The following ATP8A1 variants were observed in gnomAD, a reference collection of about 807,000 sequenced individuals.
ATP8A1 encodes phospholipid-transporting ATPase IA.
ATP8A1 carries 90 observed loss-of-function variants against 177.7 expected under a neutral mutation model. The ratio of observed to expected loss-of-function variants is 0.51; its 90% CI spans 0.43 to 0.60. The LOEUF (loss-of-function observed/expected upper bound fraction) is 0.60. Ranked by LOEUF, ATP8A1 falls within the 20% of genes least tolerant of loss-of-function variation. The probability of loss-of-function intolerance (pLI) is 0.00; values close to 1 mark genes in which losing one functional copy is unlikely to be tolerated. For synonymous variants in ATP8A1, 493 were observed against 485.9 expected (o/e 1.01, Z -0.19); for missense variants, 1,072 against 1,392.8 (o/e 0.77, Z 3.67).
chr4:42,518,137 T>G (rs1725745996), intron 22 of ATP8A1, among the ~76,000 whole-genome samples: 1 of 152,226 alleles, frequency 6.6e-6, no homozygotes, highest in Non-Finnish European at 1.5e-5. Context: ...AATTACCAGT[T>G]TGAACAAACA....
intron 24 of ATP8A1, among the ~76,000 whole-genome samples, chr4:42,501,366 A>G (rs1219144087): frequency 6.6e-6 from 1 of 152,214 alleles, no homozygotes; most frequent in Non-Finnish European, 1.5e-5. Context: ...CTTACTTTGT[A>G]GGCAGCAGAA....
At chr4:42,561,760 C>A (rs1730858849) in intron 15 of ATP8A1, 1 of 152,224 alleles carries the variant, frequency 6.6e-6, no homozygotes, top group Non-Finnish European at 1.5e-5. Context: ...CTCTGTGGCT[C>A]TTCCTCCTCT....
At chr4:42,476,182 T>C (rs540906835) in intron 25 of ATP8A1, among the ~76,000 whole-genome samples, 8 of 152,282 alleles carry the variant, frequency 5.3e-5, no homozygotes, top group Admixed American at 2.0e-4. Context: ...GAAGAGTGGA[T>C]TGTTTAGTAA....
chr4:42,439,488 GC>G (rs1406096376), intron 33 of ATP8A1, among the ~76,000 whole-genome samples: 4 of 152,208 alleles, frequency 2.6e-5, no homozygotes, highest in Admixed American at 2.6e-4. Flanking sequence ...ACGGAAGCAA[GC>G]AAAAAATGTT....
At chr4:42,473,954 C>T (rs1031116939) in intron 25 of ATP8A1, among the ~76,000 whole-genome samples, 1 of 152,016 alleles carries the variant, frequency 6.6e-6, no homozygotes, top group East Asian at 1.9e-4. Flanking sequence ...ATGCACAGCC[C>T]AGAGCTTGTT....
chr4:42,527,751 C>T (rs557932422), intron 20 of ATP8A1, among the ~76,000 whole-genome samples: 9 of 147,592 alleles, frequency 6.1e-5, no homozygotes, highest in South Asian at 2.1e-4. Context: ...ACTTCTAGGT[C>T]GAATGGATAA....
intron 1 of ATP8A1, among the ~76,000 whole-genome samples, chr4:42,645,901 T>C (rs954836777): frequency 5.9e-5 from 9 of 152,066 alleles, no homozygotes; most frequent in African/African-American, 2.2e-4. Flanking sequence ...TCTCATTTCT[T>C]TGGTCAGAGA....
At chr4:42,517,629 C>G (rs1725696365) in intron 22 of ATP8A1, among the ~76,000 whole-genome samples, 1 of 152,176 alleles carries the variant, frequency 6.6e-6, no homozygotes, top group Non-Finnish European at 1.5e-5. Flanking sequence ...GTTAGGCCTT[C>G]CTACTAATCA....
Position 42,488,435 on chromosome 4 carries a change from A to AG in ATP8A1, c.2152-2768dup, listed in dbSNP as rs1334544974. On this transcript the variant is annotated intron_variant, in intron 24 of 36. Coordinates refer to ENST00000381668, the MANE Select transcript of ATP8A1 (RefSeq NM_006095.2). The stretch of plus-strand genomic sequence containing the variant: ...AACAAACCAAACTTCAGACAGTACC[A>AG]GGCGCAGCAAGTTAGAAATGGAATG... Among the ~76,000 whole-genome samples, 4 of 151,722 alleles carry AG rather than the reference A, an allele frequency of 2.6e-5. No individual in the cohort carries two copies. The South Asian group carries it at 6.2e-4, about 24-fold the overall frequency.
chr4:42,538,162 T>C (rs1728031028), intron 20 of ATP8A1, among the ~76,000 whole-genome samples: 1 of 151,874 alleles, frequency 6.6e-6, no homozygotes, highest in African/African-American at 2.4e-5. Flanking sequence ...AAACATAAAG[T>C]GGGGAAAGGG....
At chr4:42,450,543 C>G (rs1275938768) in intron 30 of ATP8A1, among the ~76,000 whole-genome samples, 1 of 152,230 alleles carries the variant, frequency 6.6e-6, no homozygotes, top group Non-Finnish European at 1.5e-5. Flanking sequence ...TCCTGGCCTC[C>G]AGGGTCAATA....
intron 5 of ATP8A1, among the ~76,000 whole-genome samples, chr4:42,609,745 C>T (rs530376947): frequency 6.6e-6 from 1 of 152,080 alleles, no homozygotes; most frequent in South Asian, 2.1e-4. Flanking sequence ...CACAACCTGT[C>T]CCCCTCCTTA....
chr4:42,609,295 G>A (rs1560514949), intron 5 of ATP8A1, among the ~76,000 whole-genome samples: 1 of 152,118 alleles, frequency 6.6e-6, no homozygotes, highest in South Asian at 2.1e-4. Flanking sequence ...TTTAACAAAT[G>A]CTCCAGGGGA....
chr4:42,636,189 G>T (rs1739375610), intron 1 of ATP8A1, among the ~76,000 whole-genome samples: 1 of 120,662 alleles, frequency 8.3e-6, no homozygotes, highest in Non-Finnish European at 1.9e-5. Flanking sequence ...TCTTAAGCTG[G>T]ATCAAAACAA....
intron 7 of ATP8A1, among the ~76,000 whole-genome samples, chr4:42,589,764 T>C (rs1733970784): frequency 6.6e-6 from 1 of 151,966 alleles, no homozygotes; most frequent in Admixed American, 6.5e-5. Flanking sequence ...AAAACACACC[T>C]GATAATATAG....
At chr4:42,477,912 G>A (rs1389805565) in intron 25 of ATP8A1, among the ~76,000 whole-genome samples, 4 of 152,022 alleles carry the variant, frequency 2.6e-5, no homozygotes, top group Admixed American at 6.5e-5. Flanking sequence ...GAGCCTTGGA[G>A]GTCGAAGCTT....
Position 42,638,629 on chromosome 4 carries a change from A to G in ATP8A1, c.50-11520T>C, listed in dbSNP as rs114798385. Among the ~76,000 whole-genome samples, 376 of 152,366 alleles carry G rather than the reference A, an allele frequency of 2.5e-3. 2 individuals are homozygous for G. The highest frequency in any genetic ancestry group is 8.2e-3 in the African/African-American group (342 of 41,580). On this transcript the variant is annotated intron_variant, in intron 1 of 36. Transcript: ENST00000381668. ...CATTTCATGCTTAACTGGAAAAGGAACCAGAACAATGAAAGACAGAAGGAA... is the reference window on the plus strand; with the variant it reads ...CATTTCATGCTTAACTGGAAAAGGAGCCAGAACAATGAAAGACAGAAGGAA...
intron 7 of ATP8A1, among the ~76,000 whole-genome samples, chr4:42,589,522 G>A (rs1458992462): frequency 6.6e-6 from 1 of 152,116 alleles, no homozygotes; most frequent in Non-Finnish European, 1.5e-5. Flanking sequence ...ATATTTTACT[G>A]ATTCATTTTA....
At chr4:42,539,419 T>C (rs1438655652) in intron 20 of ATP8A1, among the ~76,000 whole-genome samples, 1 of 117,912 alleles carries the variant, frequency 8.5e-6, no homozygotes, top group African/African-American at 3.0e-5. Context: ...AAAAACAAAA[T>C]ACCAATGCCA....
Sources: allele counts gnomAD v4.1 joint callset (sites outside exome capture counted in the v4.1 genomes callset), GRCh38; gene constraint gnomAD v4.1.1; transcripts MANE v1.5; gene names NCBI Gene and HGNC (gene_info 2026-07-23, HGNC 2026-07-21).